MAP3K20: variants seen among roughly 807,000 people sequenced by gnomAD.
MAP3K20 encodes HCCS-4.
In MAP3K20, 40 loss-of-function variants were observed where a neutral mutation model predicts 85.7. The ratio of observed to expected loss-of-function variants is 0.47; its 90% CI spans 0.36 to 0.61. The LOEUF is 0.61. Among genes scored for constraint, MAP3K20 ranks in the 20% least tolerant of loss-of-function variants. The pLI is 0.00. For synonymous variants in MAP3K20, 325 were observed against 327.7 expected, an observed-to-expected ratio of 0.99 and a Z score of 0.09; for missense variants, 817 against 961.7, an observed-to-expected ratio of 0.85 and a Z score of 1.99.
intron 11 of MAP3K20, among the ~76,000 whole-genome samples, chr2:173,218,728 A>G (rs905937701): frequency 6.6e-6 from 1 of 152,250 alleles, no homozygotes; most frequent in Non-Finnish European, 1.5e-5. Context: ...TATTGTAAGA[A>G]AAAACTTTAC....
At chr2:173,189,295 G>A (rs936088540) in intron 5 of MAP3K20, among the ~76,000 whole-genome samples, 6 of 152,136 alleles carry the variant, frequency 3.9e-5, no homozygotes, top group African/African-American at 1.4e-4. Flanking sequence ...GGTTTACCCT[G>A]AGGCTATTTT....
chr2:173,169,132 A>G (rs1689926936), intron 2 of MAP3K20, among the ~76,000 whole-genome samples: 2 of 152,140 alleles, frequency 1.3e-5, no homozygotes, highest in African/African-American at 4.8e-5. Context: ...TCATCTAACC[A>G]ACAGAAGTTC....
chr2:173,196,955 GT>G (rs11305049), intron 7 of MAP3K20, among the ~76,000 whole-genome samples: 111,544 of 149,548 alleles, frequency 0.75, 41,731 homozygotes, highest in East Asian at 0.86. Context: ...CTTTGGGCAA[GT>G]TTTTTTTTTT....
At chr2:173,227,560 A>G (rs1312696456) in intron 11 of MAP3K20, among the ~76,000 whole-genome samples, 2 of 152,234 alleles carry the variant, frequency 1.3e-5, no homozygotes, top group Non-Finnish European at 2.9e-5. Flanking sequence ...GTGAGCGTCC[A>G]GCTGAAGCCA....
chr2:173,257,441 G>T (rs754095099), intron 16 of MAP3K20, among the ~76,000 whole-genome samples: 2 of 152,002 alleles, frequency 1.3e-5, no homozygotes, highest in African/African-American at 4.8e-5. Flanking sequence ...TTTCTGTGTG[G>T]TTCTTTCACT....
At chr2:173,094,226 A>G (rs1687392132) in intron 2 of MAP3K20, among the ~76,000 whole-genome samples, 1 of 152,310 alleles carries the variant, frequency 6.6e-6, no homozygotes, top group South Asian at 2.1e-4. Context: ...TACACTCACC[A>G]TTTAGTAACA....
intron 16 of MAP3K20, among the ~76,000 whole-genome samples, chr2:173,247,484 T>TA (rs1684944005): frequency 6.6e-6 from 1 of 152,190 alleles, no homozygotes; most frequent in Non-Finnish European, 1.5e-5. Flanking sequence ...TACTTTGATG[T>TA]ATCTTGCGTT....
At chr2:173,174,410 A>G (rs1574078861) in intron 3 of MAP3K20, among the ~76,000 whole-genome samples, 1 of 151,996 alleles carries the variant, frequency 6.6e-6, no homozygotes, top group Non-Finnish European at 1.5e-5. Flanking sequence ...CCCTGTGTCC[A>G]TGTGTTCTCA....
At chr2:173,099,663 C>G (rs1007930483) in intron 2 of MAP3K20, among the ~76,000 whole-genome samples, 1 of 152,162 alleles carries the variant, frequency 6.6e-6, no homozygotes, top group African/African-American at 2.4e-5. Context: ...TTATTTCCTT[C>G]TCTGTGAAGC....
At position 173,266,372 on chromosome 2, in the gene MAP3K20, C is replaced by T. The variant is rs747300331; in HGVS notation, c.2025C>T (p.Asp675=). Residue 675 remains aspartate, a synonymous_variant, in exon 20 of 20, where the codon GAC becomes GAT. Coordinates refer to ENST00000375213, the MANE Select transcript of MAP3K20 (RefSeq NM_016653.3). Reference sequence around the variant, plus strand: ...CTTCAGAGAGGGGTCGATACTCAGACAGAAGCAGGAACAAATATGGACGTG... The same window carrying T: ...CTTCAGAGAGGGGTCGATACTCAGATAGAAGCAGGAACAAATATGGACGTG... ...DTSSERGRYS[D]RSRNKYGRGS... The T allele has an allele frequency of 1.9e-6, 3 of 1,614,114 alleles. No individual in the cohort carries two copies. The highest frequency in any genetic ancestry group is 2.2e-5 in the South Asian group (2 of 91,082).
chr2:173,143,319 A>C (rs1689031837), intron 2 of MAP3K20, among the ~76,000 whole-genome samples: 1 of 152,226 alleles, frequency 6.6e-6, no homozygotes, highest in Non-Finnish European at 1.5e-5. Context: ...ATTTATCCTA[A>C]TAACAGAGCT....
intron 1 of MAP3K20, among the ~76,000 whole-genome samples, chr2:173,085,075 A>G (rs1004259994): frequency 6.6e-6 from 1 of 152,218 alleles, no homozygotes; most frequent in Middle Eastern, 3.2e-3. Context: ...AATGGAAAAG[A>G]TTTGAAATTT....
chr2:173,261,942 A>G (rs1163005221), intron 18 of MAP3K20, among the ~76,000 whole-genome samples: 1 of 150,040 alleles, frequency 6.7e-6, no homozygotes, highest in Admixed American at 6.6e-5. Context: ...GCTTGAGCCC[A>G]GGAGGTTGAG....
At chr2:173,152,749 G>A (rs963742899) in intron 2 of MAP3K20, among the ~76,000 whole-genome samples, 3 of 152,168 alleles carry the variant, frequency 2.0e-5, no homozygotes, top group African/African-American at 7.2e-5. Context: ...ATCAAGACTT[G>A]CACCACAAGT....
intron 2 of MAP3K20, among the ~76,000 whole-genome samples, chr2:173,146,179 A>G (rs1190974923): frequency 1.3e-5 from 2 of 152,050 alleles, no homozygotes; most frequent in African/African-American, 4.8e-5. Context: ...GTATTTTATT[A>G]TACATAAATT....
intron 11 of MAP3K20, chr2:173,221,056 G>A (rs774687826): frequency 1.5e-4 from 161 of 1,075,992 alleles, no homozygotes; most frequent in Non-Finnish European, 1.9e-4. Context: ...TTTACCTCCT[G>A]TGTAGTGCCA....
chr2:173,215,920 A>G (rs2106313422), intron 10 of MAP3K20: 1 of 152,330 alleles, frequency 6.6e-6, no homozygotes, highest in East Asian at 1.9e-4. Context: ...CAACGTCTCA[A>G]TCATGATTAT....
intron 2 of MAP3K20, among the ~76,000 whole-genome samples, chr2:173,097,286 G>T (rs1687491045): frequency 6.6e-6 from 1 of 152,180 alleles, no homozygotes; most frequent in South Asian, 2.1e-4. Context: ...AACCCGGGAG[G>T]CAGAGGTTGT....
chr2:173,226,200 G>A, intron 11 of MAP3K20: 1 of 788,318 alleles, frequency 1.3e-6, no homozygotes, highest in Non-Finnish European at 1.5e-6. Flanking sequence ...GGTCGGGGGA[G>A]GGTTTAGGAG....
Sources: gnomAD v4.1 joint callset for allele counts (sites outside exome capture counted in the v4.1 genomes callset) on GRCh38, gnomAD v4.1.1 for gene constraint, MANE v1.5 for transcripts, NCBI Gene and HGNC (gene_info 2026-07-23, HGNC 2026-07-21) for gene names.